The following BRCA2 variants were observed in gnomAD, a reference collection of about 807,000 sequenced individuals.
BRCA2 encodes BRCA2 DNA repair associated, also known as breast cancer type 2 susceptibility protein.
In BRCA2, 203 loss-of-function variants were observed where a neutral mutation model predicts 276.7. The observed-to-expected ratio is 0.73, with a 90% CI of 0.65 to 0.82. BRCA2 has a LOEUF of 0.82. BRCA2 is among the 40% of genes least tolerant of loss of function. The pLI, the probability that BRCA2 is intolerant of heterozygous loss-of-function variation, is 0.00. For missense variants in BRCA2, 3,920 were observed against 3,915.0 expected, an observed-to-expected ratio of 1.00 and a Z score of -0.03; for synonymous variants, 1,289 against 1,338.4, an observed-to-expected ratio of 0.96 and a Z score of 0.81.
intron 18 of BRCA2, among the ~76,000 whole-genome samples, chr13:32,367,984 TGTC>T (rs1378874841): frequency 6.9e-6 from 1 of 145,922 alleles, no homozygotes; most frequent in East Asian, 2.1e-4. Context: ...AAATTAGGGT[TGTC>T]TTTTCTTCTA....
At chr13:32,335,941 G>C (rs2072444614) in intron 10 of BRCA2, among the ~76,000 whole-genome samples, 1 of 152,044 alleles carries the variant, frequency 6.6e-6, no homozygotes, top group African/African-American at 2.4e-5. Flanking sequence ...GAGTGCACTA[G>C]TGTGATCTCA....
At chr13:32,372,586 A>G (rs997470451) in intron 20 of BRCA2, among the ~76,000 whole-genome samples, 1 of 152,162 alleles carries the variant, frequency 6.6e-6, no homozygotes, top group African/African-American at 2.4e-5. Context: ...AACCACCCCC[A>G]TGATCCAATC....
chr13:32,336,768 T>C lies in BRCA2; in HGVS notation c.2413T>C (p.Ser805Pro), dbSNP rs1593896883. 1.2e-6 allele frequency: 2 copies of C among 1,611,980 alleles called. No homozygotes were observed. Among genetic ancestry groups the C allele is most frequent in the South Asian group, 2.2e-5 (2 of 90,628 alleles). Residue 805 changes from serine to proline, a missense_variant, in exon 11 of 27, where the codon TCT (serine) becomes CCT (proline). Ser to Pro is a moderately conservative substitution (Grantham distance 74). This residue lies in a region of BRCA2 where 3,263 missense variants were observed against 3,156.9 expected (regional missense o/e 1.03). Transcript: ENST00000380152. Reference protein sequence around the residue: ...SDKLKGNNYESDVELTKNIPM... With the variant: ...SDKLKGNNYEPDVELTKNIPM... The stretch of plus-strand genomic sequence containing the variant: ...CAAGCTCAAAGGTAACAATTATGAA[T>C]CTGATGTTGAATTAACCAAAAATAT...
intron 12 of BRCA2, among the ~76,000 whole-genome samples, 160 bp downstream of exon 12, chr13:32,344,813 G>A (rs1242510132): frequency 6.6e-6 from 1 of 151,914 alleles, no homozygotes; most frequent in East Asian, 1.9e-4. Flanking sequence ...AATTACTGAG[G>A]ACCTAAAAGA....
chr13:32,316,311 T>C (rs920231956), intron 1 of BRCA2, 111 bp from the exon 2 acceptor site: 6 of 733,170 alleles, frequency 8.2e-6, no homozygotes, highest in African/African-American at 7.0e-5. Context: ...TTCCAGGAGA[T>C]GGGACTGAAT....
intron 3 of BRCA2, among the ~76,000 whole-genome samples, chr13:32,321,696 T>C (rs2072307205): frequency 6.6e-6 from 1 of 152,196 alleles, no homozygotes; most frequent in Non-Finnish European, 1.5e-5. Context: ...AAAGTAAGAG[T>C]AATGGACTTA....
In BRCA2 at chr13:32,397,012, C is replaced by G. The variant is rs80359233; in HGVS notation, c.9616C>G (p.Gln3206Glu). ...KDCTSGPYTAQIIPGTGNKLL... is the reference protein window; with the variant it reads ...KDCTSGPYTAEIIPGTGNKLL... ...CTGTACTTCAGGGCCGTACACTGCTCAAATCATTCCTGGTACAGGAAACAA... is the reference window on the plus strand; with the variant it reads ...CTGTACTTCAGGGCCGTACACTGCTGAAATCATTCCTGGTACAGGAAACAA... The change falls in exon 26 of 27, where the codon CAA becomes GAA. Residue 3206 changes from glutamine (Q) to glutamate (E), a missense_variant. Physicochemically the swap from Gln to Glu is conservative, Grantham distance 29. This residue lies in a region of BRCA2 where 657 missense variants were observed against 758.2 expected (regional missense o/e 0.87). Coordinates refer to ENST00000380152, the MANE Select transcript of BRCA2 (RefSeq NM_000059.4). The G allele has an allele frequency of 5.0e-6, 8 of 1,613,950 alleles. No homozygotes were observed. The highest frequency in any genetic ancestry group is 2.5e-6 in the Non-Finnish European group (3 of 1,179,976).
In BRCA2 at chr13:32,318,099, C is replaced by T. The variant is rs561872781; in HGVS notation, c.68-978C>T. Reference sequence around the variant, plus strand: ...TTATTACTATTATTTTTAACAAGGACACTCAGTGGTAAGGAATATAATGGC... The same window carrying T: ...TTATTACTATTATTTTTAACAAGGATACTCAGTGGTAAGGAATATAATGGC... On this transcript the variant is annotated intron_variant, in intron 2 of 26. Coordinates refer to ENST00000380152, the MANE Select transcript of BRCA2 (RefSeq NM_000059.4). Among the ~76,000 whole-genome samples the T allele has an allele frequency of 9.5e-4, 145 of 152,176 alleles. 3 individuals are homozygous for T. Among genetic ancestry groups the T allele is most frequent in the Middle Eastern group, 3.4e-3 (1 of 294 alleles).
rs561034209 is a variant in BRCA2, at chr13:32,399,029, G to A, written c.*259G>A. On this transcript the variant is annotated 3_prime_UTR_variant, in exon 27 of 27. Transcript: ENST00000380152. ...AAGAAAAACATCTTTGGCTGAGCTCGGTGGCTCATGCCTGTAATCCCAACA... is the reference window on the plus strand; with the variant it reads ...AAGAAAAACATCTTTGGCTGAGCTCAGTGGCTCATGCCTGTAATCCCAACA... 1.9e-5 allele frequency: 8 copies of A among 428,234 alleles called. No individual in the cohort carries two copies. The highest frequency in any genetic ancestry group is 1.6e-4 in the Admixed American group (4 of 24,308). The allele number at this position is 428,234 out of a possible 1,614,324, so 26.5% of individuals were successfully genotyped here.
intron 2 of BRCA2, 84 bp downstream of exon 2, chr13:32,316,611 C>G: frequency 8.4e-7 from 1 of 1,184,674 alleles, no homozygotes; most frequent in Non-Finnish European, 1.2e-6. Flanking sequence ...CAGTACGTCA[C>G]AGTGTTGCTT....
At chr13:32,374,657 C>G (rs1453945606) in intron 20 of BRCA2, among the ~76,000 whole-genome samples, 1 of 152,218 alleles carries the variant, frequency 6.6e-6, no homozygotes, top group African/African-American at 2.4e-5. Flanking sequence ...TCATCTCCAT[C>G]TGAGACCACC....
chr13:32,382,666 T>G (rs1022975595), intron 24 of BRCA2, among the ~76,000 whole-genome samples: 30 of 152,146 alleles, frequency 2.0e-4, no homozygotes, highest in African/African-American at 7.2e-4. Flanking sequence ...GATTTTTGCT[T>G]TAAGAGAAGA....
In BRCA2 at chr13:32,340,798, C is replaced by A. The variant is rs80358880; in HGVS notation, c.6443C>A (p.Ser2148Tyr). The A allele has an allele frequency of 1.3e-5, 21 of 1,592,576 alleles. No homozygotes were observed. Among genetic ancestry groups the A allele is most frequent in the Admixed American group, 5.5e-5 (3 of 54,326 alleles). Residue 2148 changes from serine to tyrosine, a missense_variant, in exon 11 of 27, where the codon TCT (serine) becomes TAT (tyrosine). Around this residue, in one of 2 missense-constraint regions of BRCA2, gnomAD observed 3,263 missense variants for 3,156.9 expected, o/e 1.03. Coordinates refer to ENST00000380152, the MANE Select transcript of BRCA2 (RefSeq NM_000059.4). ...GGTGGTTCTTCAGAAAATAATCACT[C>A]TATTAAAGTTTCTCCATATCTCTCT... ...VEGGSSENNH[S>Y]IKVSPYLSQF...
At chr13:32,348,836 A>C (rs2072628257) in intron 13 of BRCA2, among the ~76,000 whole-genome samples, 3 of 152,192 alleles carry the variant, frequency 2.0e-5, no homozygotes, top group Admixed American at 6.5e-5. Flanking sequence ...TTTGGAACTG[A>C]AGAAGATAAG....
intron 19 of BRCA2, 22 bp downstream of exon 19, chr13:32,370,579 T>C (rs1433911504): frequency 6.3e-7 from 1 of 1,598,442 alleles, no homozygotes; most frequent in East Asian, 2.2e-5. Flanking sequence ...TCTTGAAACT[T>C]ACCATATATT....
chr13:32,354,732 A>G, intron 13 of BRCA2, 129 bp from the exon 14 acceptor site: 1 of 721,098 alleles, frequency 1.4e-6, no homozygotes, highest in Non-Finnish European at 2.4e-6. Context: ...AATGGCAACC[A>G]TGGTGAATAC....
At chr13:32,352,079 A>G (rs569598839) in intron 13 of BRCA2, among the ~76,000 whole-genome samples, 4 of 152,212 alleles carry the variant, frequency 2.6e-5, no homozygotes, top group Non-Finnish European at 4.4e-5. Flanking sequence ...GGGATTACAG[A>G]CGTGAGCCAC....
In BRCA2 at chr13:32,339,586, G is replaced by T. The variant is rs587782060; in HGVS notation, c.5231G>T (p.Ser1744Ile). Residue 1744 changes from serine (S) to isoleucine (I), a missense_variant, in exon 11 of 27, where the codon AGC becomes ATC. Transcript: ENST00000380152. The part of the protein sequence containing the change: ...EKQDTYLSNS[S>I]MSNSYSYHSD... ...CAAGATACTTATTTAAGTAACAGTA[G>T]CATGTCTAACAGCTATTCCTACCAT... 6 of 1,610,478 alleles carry T rather than the reference G, an allele frequency of 3.7e-6. No individual in the cohort carries two copies. The East Asian group carries it at 1.3e-4, about 36-fold the overall frequency.
intron 16 of BRCA2, 90 bp downstream of exon 16, chr13:32,358,019 G>A (rs752500255): frequency 1.7e-4 from 237 of 1,406,662 alleles, no homozygotes; most frequent in Admixed American, 2.2e-4. Flanking sequence ...TAAAAAGTTG[G>A]CTAGAAATCA....
Sources: gnomAD v4.1 joint callset for allele counts (sites outside exome capture counted in the v4.1 genomes callset) on GRCh38, gnomAD v4.1.1 for gene constraint, gnomAD v4.1.1 regional missense constraint, MANE v1.5 for transcripts, NCBI Gene and HGNC (gene_info 2026-07-23, HGNC 2026-07-21) for gene names.